Variants in HIKESHI observed in about 807,000 individuals in gnomAD.
HIKESHI encodes protein Hikeshi.
Under a neutral mutation model 25.7 loss-of-function variants are expected in HIKESHI, and 13 were observed. The ratio of observed to expected loss-of-function variants is 0.51; its 90% CI spans 0.33 to 0.80. The LOEUF (loss-of-function observed/expected upper bound fraction) is 0.80, where lower values mean the gene tolerates loss of function less well. Ranked by LOEUF, HIKESHI falls within the 30% of genes least tolerant of loss-of-function variation. The probability of loss-of-function intolerance (pLI) is 0.02; values close to 1 mark genes in which losing one functional copy is unlikely to be tolerated. For missense variants in HIKESHI, 174 were observed against 229.5 expected, an observed-to-expected ratio of 0.76 and a Z score of 1.56; for synonymous variants, 76 against 78.7, an observed-to-expected ratio of 0.97 and a Z score of 0.18.
chr11:86,321,003 C>T (rs551658284), intron 2 of HIKESHI, among the ~76,000 whole-genome samples: 18 of 151,636 alleles, frequency 1.2e-4, no homozygotes, highest in Admixed American at 7.2e-4. Context: ...GGTGTGATCT[C>T]GGCTCACTGC....
intron 2 of HIKESHI, among the ~76,000 whole-genome samples, chr11:86,333,498 G>T (rs371539789): frequency 6.6e-6 from 1 of 151,002 alleles, no homozygotes; most frequent in Non-Finnish European, 1.5e-5. Flanking sequence ...TCGTCCTACC[G>T]CACTCCAGCC....
chr11:86,307,462 G>T (rs1208723960), intron 2 of HIKESHI, among the ~76,000 whole-genome samples: 2 of 135,950 alleles, frequency 1.5e-5, no homozygotes, highest in African/African-American at 5.4e-5. Context: ...ATTATGTGTA[G>T]TATACATTAT....
intron 1 of HIKESHI, among the ~76,000 whole-genome samples, chr11:86,305,884 A>G (rs973829798): frequency 7.2e-5 from 11 of 151,910 alleles, no homozygotes; most frequent in African/African-American, 2.7e-4. Flanking sequence ...GGGAATACTT[A>G]TGCATGAGCC....
At chr11:86,304,026 C>CTAA (rs143558718) in intron 1 of HIKESHI, among the ~76,000 whole-genome samples, 12,953 of 152,076 alleles carry the variant, frequency 0.085, 800 homozygotes, top group African/African-American at 0.17. Context: ...GAATTTAATA[C>CTAA]TAATACAGGC....
intron 2 of HIKESHI, among the ~76,000 whole-genome samples, chr11:86,331,608 T>A (rs1947426928): frequency 6.6e-6 from 1 of 152,160 alleles, no homozygotes; most frequent in African/African-American, 2.4e-5. Flanking sequence ...ATGTTTTATA[T>A]CTTTTATTTT....
chr11:86,328,812 A>G (rs1037479661), intron 2 of HIKESHI, among the ~76,000 whole-genome samples: 1 of 151,518 alleles, frequency 6.6e-6, no homozygotes, highest in African/African-American at 2.4e-5. Flanking sequence ...CCTGGTCTTG[A>G]GTAATCCACC....
chr11:86,309,411 G>A (rs899787124), intron 2 of HIKESHI, among the ~76,000 whole-genome samples: 7 of 152,030 alleles, frequency 4.6e-5, no homozygotes, highest in Non-Finnish European at 7.4e-5. Flanking sequence ...CTTTTTGATG[G>A]GGCTGTTTGA....
At chr11:86,315,377 A>G (rs112878319) in intron 2 of HIKESHI, among the ~76,000 whole-genome samples, 9 of 152,080 alleles carry the variant, frequency 5.9e-5, no homozygotes, top group Non-Finnish European at 1.2e-4. Context: ...CTGGAGTGCA[A>G]TGGCACAATC....
At chr11:86,332,805 C>A (rs1565738271) in intron 2 of HIKESHI, among the ~76,000 whole-genome samples, 1 of 152,142 alleles carries the variant, frequency 6.6e-6, no homozygotes, top group Non-Finnish European at 1.5e-5. Flanking sequence ...ATTTGAAAAC[C>A]ATTCTTAGCT....
chr11:86,328,463 G>A (rs1288133725), intron 2 of HIKESHI, among the ~76,000 whole-genome samples: 1 of 150,062 alleles, frequency 6.7e-6, no homozygotes, highest in Non-Finnish European at 1.5e-5. Context: ...ACGGAGTCTG[G>A]CTCTGTTGCC....
At chr11:86,312,822 A>G (rs1712761749) in intron 2 of HIKESHI, among the ~76,000 whole-genome samples, 1 of 152,162 alleles carries the variant, frequency 6.6e-6, no homozygotes, top group Non-Finnish European at 1.5e-5. Flanking sequence ...TATGAAGCTT[A>G]GTTTGGCTGG....
At chr11:86,340,332 C>T (rs1947691617) in intron 3 of HIKESHI, among the ~76,000 whole-genome samples, 1 of 152,230 alleles carries the variant, frequency 6.6e-6, no homozygotes, top group South Asian at 2.1e-4. Context: ...GCCACACTGT[C>T]TTCCACAATG....
chr11:86,331,430 A>G (rs928705778), intron 2 of HIKESHI, among the ~76,000 whole-genome samples: 3 of 152,156 alleles, frequency 2.0e-5, no homozygotes, highest in Admixed American at 6.5e-5. Context: ...TAGGGGTTGC[A>G]GTGAGCTAAG....
At chr11:86,307,783 T>TTATGTGTAATATACATTATATAAAATATA (rs1946686821) in intron 2 of HIKESHI, among the ~76,000 whole-genome samples, 1 of 120,624 alleles carries the variant, frequency 8.3e-6, no homozygotes, top group East Asian at 2.3e-4. Flanking sequence ...AAAATATATA[T>TTATGTGTAATATACATTATATAAAATATA]TATGTGTAAT....
At position 86,344,629 on chromosome 11, in the gene HIKESHI, C is replaced by G. The variant is rs1269548344; in HGVS notation, c.447C>G (p.Phe149Leu). ...TQFTQKMLDNFYNFASSFAVS... is the reference protein window; with the variant it reads ...TQFTQKMLDNLYNFASSFAVS... ...TCACACAAAAGATGTTGGACAATTT[C>G]TACAATTTTGCTTCATCATTTGCTG... Residue 149 changes from phenylalanine to leucine, a missense_variant, in exon 4 of 5, where the codon TTC (phenylalanine) becomes TTG (leucine). Transcript: ENST00000278483. 6.2e-7 allele frequency: 1 copy of G among 1,605,692 alleles called. No homozygotes were observed.
At chr11:86,320,842 G>C (rs553705829) in intron 2 of HIKESHI, among the ~76,000 whole-genome samples, 1 of 152,142 alleles carries the variant, frequency 6.6e-6, no homozygotes, top group Non-Finnish European at 1.5e-5. Context: ...AAGTCATACA[G>C]TATGCATTCT....
intron 2 of HIKESHI, among the ~76,000 whole-genome samples, chr11:86,317,639 T>A (rs543906880): frequency 6.6e-6 from 1 of 152,110 alleles, no homozygotes; most frequent in East Asian, 1.9e-4. Context: ...ACCTTGTCTG[T>A]ACTAAAAATA....
intron 2 of HIKESHI, among the ~76,000 whole-genome samples, chr11:86,317,087 C>T (rs1000897277): frequency 1.3e-5 from 2 of 152,044 alleles, no homozygotes; most frequent in East Asian, 1.9e-4. Context: ...CCACCACGCC[C>T]GGCTGTGAAT....
chr11:86,310,409 T>A (rs1192670288), intron 2 of HIKESHI, among the ~76,000 whole-genome samples: 1 of 152,230 alleles, frequency 6.6e-6, no homozygotes, highest in Admixed American at 6.5e-5. Flanking sequence ...TTTTTGCACA[T>A]TGATTTTGTA....
Sources: allele counts gnomAD v4.1 joint callset (sites outside exome capture counted in the v4.1 genomes callset), GRCh38; gene constraint gnomAD v4.1.1; transcripts MANE v1.5; gene names NCBI Gene and HGNC (gene_info 2026-07-23, HGNC 2026-07-21).